Variants in PRKD2 observed in about 807,000 individuals in gnomAD.
The protein encoded by PRKD2 is serine/threonine-protein kinase D2.
A neutral mutation model predicts 86.0 loss-of-function variants in PRKD2; 22 were observed. The observed-to-expected ratio is 0.26, with a 90% confidence interval of 0.18 to 0.37. The LOEUF (loss-of-function observed/expected upper bound fraction) is 0.37. PRKD2 is among the 10% of genes least tolerant of loss of function. The pLI is 1.00. For missense variants in PRKD2, 818 were observed against 1,199.2 expected (o/e 0.68, Z 4.70); for synonymous variants, 509 against 510.9 (o/e 1.00, Z 0.05).
At chr19:46,714,148 C>G (rs2053849609) in intron 1 of PRKD2, 147 bp from the exon 2 acceptor site, 1 of 1,363,996 alleles carries the variant, frequency 7.3e-7, no homozygotes, top group Non-Finnish European at 9.5e-7. Context: ...CTGCCCCCTC[C>G]CAACCCCAGC....
Position 46,680,525 on chromosome 19 carries a change from G to C in PRKD2, c.2070+1125C>G, listed in dbSNP as rs562839426. Among the ~76,000 whole-genome samples the C allele has an allele frequency of 1.3e-4, 20 of 152,112 alleles. No homozygotes were observed. In the South Asian group the frequency reaches 3.5e-3, roughly 27 times the overall value. ...ACTGGTATCCAACTCCAGACCTCAA[G>C]TGATCTGCCCGCCTCAGCCTCCCAA... On this transcript the variant is annotated intron_variant, in intron 15 of 17. Coordinates refer to ENST00000291281, the MANE Select transcript of PRKD2 (RefSeq NM_016457.5).
chr19:46,716,415 G>T lies in PRKD2; in HGVS notation c.-45C>A. On this transcript the variant is annotated 5_prime_UTR_variant, in exon 1 of 18. Coordinates refer to ENST00000291281, the MANE Select transcript of PRKD2 (RefSeq NM_016457.5). This position sits in a 1 kb window ranked among gnomAD's most constrained non-coding sequence, Gnocchi z 7.9. ...GCCGCCTGGAGCCCACCCGGGACCC[G>T]GCCGGGGGGCCCCGGGGGACCCTGG... 7.9e-7 allele frequency: 1 copy of T among 1,271,150 alleles called. No homozygotes were observed. Among genetic ancestry groups the T allele is most frequent in the Non-Finnish European group, 1.0e-6 (1 of 970,592 alleles). The allele number at this position is 1,271,150 out of a possible 1,614,324, so 78.7% of individuals were successfully genotyped here.
At position 46,678,354 on chromosome 19, in the gene PRKD2, C is replaced by A. The variant is rs767789374; in HGVS notation, c.2338+42G>T. On this transcript the variant is annotated intron_variant, in intron 16 of 17. Coordinates refer to ENST00000291281, the MANE Select transcript of PRKD2 (RefSeq NM_016457.5). This position sits in a 1 kb window ranked among gnomAD's most constrained non-coding sequence, Gnocchi z 5.7. ...GCTCCGCCCACTTCTCCAGCCCCAC[C>A]CCACAACCCACCCGCCCATGGGGTA... 1 of 1,603,638 alleles carries A rather than the reference C, an allele frequency of 6.2e-7. No individual in the cohort carries two copies. The highest frequency in any genetic ancestry group is 2.3e-5 in the East Asian group (1 of 44,408).
chr19:46,702,689 T>G (rs1198954887), intron 5 of PRKD2, among the ~76,000 whole-genome samples: 1 of 151,798 alleles, frequency 6.6e-6, no homozygotes, highest in African/African-American at 2.4e-5. Context: ...TTCTAGAATT[T>G]TTTTTTTTCT....
chr19:46,710,116 C>T (rs2053783148), intron 3 of PRKD2, among the ~76,000 whole-genome samples: 1 of 152,036 alleles, frequency 6.6e-6, no homozygotes, highest in Non-Finnish European at 1.5e-5. Context: ...CCAGGAGGGT[C>T]TCAATCTCCT....
At chr19:46,679,782 G>C (rs2053268100) in intron 15 of PRKD2, among the ~76,000 whole-genome samples, 1 of 151,992 alleles carries the variant, frequency 6.6e-6, no homozygotes, top group African/African-American at 2.4e-5. Context: ...CCGCCACCAT[G>C]CCTGGCTAAT....
At chr19:46,688,448 T>TA (rs60631103) in intron 14 of PRKD2, among the ~76,000 whole-genome samples, 29 of 150,722 alleles carry the variant, frequency 1.9e-4, no homozygotes, top group African/African-American at 6.3e-4. Flanking sequence ...TATTATTTTT[T>TA]TTTTTGAGAC....
At chr19:46,700,199 G>C (rs958906892) in intron 7 of PRKD2, among the ~76,000 whole-genome samples, 1 of 152,126 alleles carries the variant, frequency 6.6e-6, no homozygotes, top group Non-Finnish European at 1.5e-5. Context: ...TTGCATCACT[G>C]CACTCCAGCC....
intron 3 of PRKD2, chr19:46,710,395 C>T (rs1214625918): frequency 1.3e-5 from 2 of 153,922 alleles, no homozygotes; most frequent in African/African-American, 4.8e-5. Context: ...GCTATGTTGC[C>T]CAGGCTGGTC....
In PRKD2 at chr19:46,717,114, T is replaced by A. The variant is rs1348196711; in HGVS notation, c.-744A>T. On this transcript the variant is annotated 5_prime_UTR_variant, in exon 1 of 18. Coordinates refer to ENST00000291281, the MANE Select transcript of PRKD2 (RefSeq NM_016457.5). ...GGCGGCGGCGGCCCAGGAGGAAGTG[T>A]CCGGAGCGACAGTGCAGTCGACCAA... The A allele has an allele frequency of 1.6e-4, 24 of 150,734 alleles. No individual in the cohort carries two copies. The highest frequency in any genetic ancestry group is 4.7e-4 in the Admixed American group (7 of 15,048). The allele number at this position is 150,734 out of a possible 1,614,324, so 9.3% of individuals were successfully genotyped here.
chr19:46,699,613 C>T (rs1318174008), intron 7 of PRKD2, among the ~76,000 whole-genome samples: 2 of 152,166 alleles, frequency 1.3e-5, no homozygotes, highest in Non-Finnish European at 2.9e-5. Context: ...CACCCTCCAG[C>T]GCCTGTGTGA....
intron 14 of PRKD2, among the ~76,000 whole-genome samples, chr19:46,684,780 T>C (rs943458175): frequency 4.6e-5 from 7 of 151,434 alleles, no homozygotes; most frequent in Admixed American, 4.0e-4. Flanking sequence ...CTGATCGACA[T>C]GGTGAAACCC....
chr19:46,694,122 C>G lies in PRKD2; in HGVS notation c.1329G>C (p.Leu443=), dbSNP rs1363282806. The G allele has an allele frequency of 6.2e-7, 1 of 1,613,720 alleles. No homozygotes were observed. Among genetic ancestry groups the G allele is most frequent in the Admixed American group, 1.7e-5 (1 of 60,022 alleles). ...TTNRYYKEIP[L]SEILTVESAQ... ...CGGACTCCACCGTGAGGATTTCTGA[C>G]AGCGGAATTTCCTGCAGGACGTGGA... Residue 443 remains leucine, a synonymous_variant, in exon 10 of 18, where the codon CTG becomes CTC. Transcript: ENST00000291281.
In PRKD2 at chr19:46,704,152, C is replaced by G; in HGVS notation, c.889+17G>C. ...AGGTTCTGACCCTGTCTGTCCTCCC[C>G]GACAGGCCCAGCTAACCTTTGCATT... On this transcript the variant is annotated intron_variant, in intron 5 of 17. Transcript: ENST00000291281. 3 of 1,613,022 alleles carry G rather than the reference C, an allele frequency of 1.9e-6. No individual in the cohort carries two copies. The highest frequency in any genetic ancestry group is 1.1e-5 in the South Asian group (1 of 90,842).
intron 15 of PRKD2, 50 bp downstream of exon 15, chr19:46,681,597 CCGG>C: frequency 1.0e-6 from 1 of 961,012 alleles, no homozygotes; most frequent in Non-Finnish European, 1.6e-6. Context: ...CACCCCCACC[CCGG>C]CCATCAGTGT....
At chr19:46,704,690 C>A in intron 3 of PRKD2, 41 bp from the exon 4 acceptor site, 1 of 1,549,478 alleles carries the variant, frequency 6.5e-7, no homozygotes, top group South Asian at 1.2e-5. Flanking sequence ...GGCGTCTGCC[C>A]CTCCTAGGTC....
intron 15 of PRKD2, among the ~76,000 whole-genome samples, chr19:46,680,935 T>TATATATATATATATAC (rs2053290265): frequency 2.0e-5 from 1 of 50,902 alleles, no homozygotes; most frequent in Non-Finnish European, 4.4e-5. Context: ...TATATATATA[T>TATATATATATATATAC]ATATATATAT....
rs2122578631 is a variant in PRKD2 at position 46,681,595 on chromosome 19, C to T, written c.2070+55G>A. The T allele has an allele frequency of 5.5e-6, 5 of 902,456 alleles. 1 individual carries two copies. Among genetic ancestry groups the T allele is most frequent in the Non-Finnish European group, 8.5e-6 (5 of 590,554 alleles). The allele number at this position is 902,456 out of a possible 1,614,324, so 55.9% of individuals were successfully genotyped here. A position where few individuals can be genotyped will look rare whatever the true frequency, so the allele number is the denominator to read the frequency against. On this transcript the variant is annotated intron_variant, in intron 15 of 17. Coordinates refer to ENST00000291281, the MANE Select transcript of PRKD2 (RefSeq NM_016457.5). ...AGTATAATCCCCTTCCCCACCCCCACCCCGGCCATCAGTGTTGCCTGGATT... is the reference window on the plus strand; with the variant it reads ...AGTATAATCCCCTTCCCCACCCCCATCCCGGCCATCAGTGTTGCCTGGATT...
rs2053489234 is a variant in PRKD2, at chr19:46,691,894, G to A, written c.1629+39C>T. On this transcript the variant is annotated intron_variant, in intron 11 of 17. Coordinates refer to ENST00000291281, the MANE Select transcript of PRKD2 (RefSeq NM_016457.5). ...GAGACGAGAGAGCTGAGGAGGGTTTGTGGGAGGGGAGGGCATCAGGTGGGG... is the reference window on the plus strand; with the variant it reads ...GAGACGAGAGAGCTGAGGAGGGTTTATGGGAGGGGAGGGCATCAGGTGGGG... The A allele has an allele frequency of 3.1e-6, 5 of 1,611,674 alleles. No individual in the cohort carries two copies. The South Asian group carries it at 5.5e-5, about 18-fold the overall frequency.
Sources: allele counts gnomAD v4.1 joint callset (sites outside exome capture counted in the v4.1 genomes callset), GRCh38; gene constraint gnomAD v4.1.1; non-coding constraint Gnocchi (gnomAD v3.1); transcripts MANE v1.5; gene names NCBI Gene and HGNC (gene_info 2026-07-23, HGNC 2026-07-21).